BRD4: variants seen among roughly 807,000 people sequenced by gnomAD.
The protein encoded by BRD4 is bromodomain-containing protein 4.
Under a neutral mutation model 142.1 loss-of-function variants are expected in BRD4, and 16 were observed. The ratio of observed to expected loss-of-function variants is 0.11; its 90% CI spans 0.08 to 0.17. The LOEUF is 0.17. Ranked by LOEUF, BRD4 falls within the 10% of genes least tolerant of loss-of-function variation. The pLI is 1.00. For missense variants in BRD4, 1,424 were observed against 1,810.9 expected (o/e 0.79, Z 3.88); for synonymous variants, 833 against 707.5 (o/e 1.18, Z -2.82).
In BRD4 at chr19:15,265,571, G is replaced by GGGGTCT; in HGVS notation, c.626_631dup (p.Gln209_Thr210dup). 1 of 1,614,162 alleles carries GGGGTCT rather than the reference G, an allele frequency of 6.2e-7. No individual in the cohort carries two copies. Among genetic ancestry groups the GGGGTCT allele is most frequent in the Non-Finnish European group, 8.5e-7 (1 of 1,180,030 alleles). ...CTGCACAGGAGGAGGATTCGGCTGA[G>GGGGTCT]GGGTCTGGGTCTGCGGAGGAGTCGA... On this transcript the variant is annotated inframe_insertion, in exon 5 of 20. Coordinates refer to ENST00000679869, the MANE Select transcript of BRD4 (RefSeq NM_001379291.1).
At chr19:15,255,104 T>C (rs1466890821) in intron 10 of BRD4, among the ~76,000 whole-genome samples, 193 bp downstream of exon 10, 1 of 150,826 alleles carries the variant, frequency 6.6e-6, no homozygotes, top group Non-Finnish European at 1.5e-5. Context: ...GTCAGATATG[T>C]AGAAAGGCAC....
Position 15,264,650 on chromosome 19 carries a change from C to T in BRD4, c.966G>A (p.Arg322=), listed in dbSNP as rs79518776. 548 of 1,613,794 alleles carry T rather than the reference C, an allele frequency of 3.4e-4. 1 individual carries two copies. In the African/African-American group the frequency reaches 6.1e-3, roughly 18 times the overall value. ...EPKTTKLGQR[R]ESSRPVKPPK... The stretch of plus-strand genomic sequence containing the variant: ...GAGGTTTCACAGGCCGGCTGCTCTC[C>T]CGCCGCTGGCCCAGCTTGGTGGTCT... The change falls in exon 6 of 20, where the codon CGG becomes CGA. Residue 322 remains arginine (R), a synonymous_variant. Transcript: ENST00000679869.
chr19:15,241,278 C>T (rs908475730), intron 14 of BRD4, among the ~76,000 whole-genome samples: 1 of 152,264 alleles, frequency 6.6e-6, no homozygotes, highest in African/African-American at 2.4e-5. Context: ...ACTGCAACAG[C>T]CTCCCACCCA....
chr19:15,244,394 G>A lies in BRD4; in HGVS notation c.2418C>T (p.Pro806=), dbSNP rs1319557492. 1.5e-5 allele frequency: 24 copies of A among 1,602,940 alleles called. 1 individual carries two copies. The highest frequency in any genetic ancestry group is 9.0e-5 in the East Asian group (4 of 44,556). ...SPPPFIATQV[P]VLEPQLPGSV... is the part of the protein sequence containing the mutation. ...TGCCTGGGAGCTGGGGCTCCAGGAC[G>A]GGCACCTGGGTGGCAATGAAGGGTG... Residue 806 remains proline (P), a synonymous_variant, in exon 13 of 20, where the codon CCC becomes CCT. Transcript: ENST00000679869.
intron 6 of BRD4, among the ~76,000 whole-genome samples, 191 bp from the exon 7 acceptor site, chr19:15,263,739 A>T (rs2047499999): frequency 1.3e-5 from 2 of 152,152 alleles, no homozygotes; most frequent in Admixed American, 1.3e-4. Context: ...CCCTGCCAAC[A>T]TCCCAGCTCA....
intron 1 of BRD4, among the ~76,000 whole-genome samples, chr19:15,313,229 C>T (rs530131966): frequency 3.3e-5 from 5 of 151,672 alleles, no homozygotes; most frequent in African/African-American, 9.7e-5. Flanking sequence ...AAAAATTAGC[C>T]GGGCGTGGTG....
At chr19:15,316,064 A>G (rs1568410202) in intron 1 of BRD4, among the ~76,000 whole-genome samples, 1 of 148,376 alleles carries the variant, frequency 6.7e-6, no homozygotes, top group Non-Finnish European at 1.5e-5. Context: ...GCCGAGGCAG[A>G]AGAATGGCGT....
chr19:15,258,801 C>T (rs148583720), intron 7 of BRD4, among the ~76,000 whole-genome samples: 65 of 152,246 alleles, frequency 4.3e-4, no homozygotes, highest in Non-Finnish European at 7.1e-4. Flanking sequence ...GTTGCCCAGG[C>T]TGGTCTCCAA....
At chr19:15,283,213 G>A (rs2047717549) in intron 1 of BRD4, among the ~76,000 whole-genome samples, 1 of 152,074 alleles carries the variant, frequency 6.6e-6, no homozygotes, top group African/African-American at 2.4e-5. Context: ...AGTGGGAGAG[G>A]AAGTTCACTT....
intron 1 of BRD4, among the ~76,000 whole-genome samples, chr19:15,321,796 A>ATG (rs2048063442): frequency 1.3e-5 from 2 of 152,218 alleles, no homozygotes; most frequent in African/African-American, 2.4e-5. Flanking sequence ...CACACAAATG[A>ATG]CACTCTACAT....
In BRD4 at chr19:15,239,690, C is replaced by T. The variant is rs1032745641; in HGVS notation, c.3414G>A (p.Glu1138=). The part of the protein sequence containing the change: ...SLRPEPPKHP[E]SIKAPVHLPQ... ...GCAGGTGGACGGGGGCCTTGATGCT[C>T]TCCGGGTGCTTGGGGGGCTCCGGCC... The change falls in exon 16 of 20, where the codon GAG becomes GAA. Residue 1138 remains glutamate (E), a synonymous_variant. Transcript: ENST00000679869. This position sits in a 1 kb window ranked among gnomAD's most constrained non-coding sequence, Gnocchi z 7.4. 2 of 1,593,486 alleles carry T rather than the reference C, an allele frequency of 1.3e-6. No homozygotes were observed. The highest frequency in any genetic ancestry group is 2.2e-5 in the East Asian group (1 of 44,800).
chr19:15,317,302 C>T (rs889579230), intron 1 of BRD4, among the ~76,000 whole-genome samples: 3 of 152,174 alleles, frequency 2.0e-5, no homozygotes, highest in African/African-American at 7.2e-5. Flanking sequence ...CAATCAGCAG[C>T]AGTGTGCTCA....
intron 1 of BRD4, among the ~76,000 whole-genome samples, chr19:15,298,946 C>T (rs567670500): frequency 1.5e-3 from 222 of 152,298 alleles, no homozygotes; most frequent in Middle Eastern, 0.01. Context: ...ATCGTGTCAC[C>T]TTTACAGGTC....
intron 1 of BRD4, among the ~76,000 whole-genome samples, chr19:15,299,166 T>C (rs1333016199): frequency 1.3e-5 from 2 of 152,222 alleles, no homozygotes; most frequent in Non-Finnish European, 2.9e-5. Context: ...TTGTCAGTCC[T>C]GTCTATTCCT....
At chr19:15,285,246 C>A (rs2145655318) in intron 1 of BRD4, among the ~76,000 whole-genome samples, 1 of 152,306 alleles carries the variant, frequency 6.6e-6, no homozygotes, top group Admixed American at 6.5e-5. Context: ...AAACCAAAAC[C>A]CAGGGCAGCG....
Position 15,264,526 on chromosome 19 carries a change from T to A in BRD4, c.1090A>T (p.Met364Leu). Reference sequence around the variant, plus strand: ...TAGGCGGCGTGCTTCTTGGCAAACATCTCCTTGAGGATGCCGCTGCAGCAC... The same window carrying A: ...TAGGCGGCGTGCTTCTTGGCAAACAACTCCTTGAGGATGCCGCTGCAGCAC... ...LKCCSGILKE[M>L]FAKKHAAYAW... Residue 364 changes from methionine to leucine, a missense_variant, in exon 6 of 20, where the codon ATG becomes TTG. Physicochemically the swap from Met to Leu is conservative, Grantham distance 15. Transcript: ENST00000679869. 6.2e-7 allele frequency: 1 copy of A among 1,614,170 alleles called. No homozygotes were observed. Among genetic ancestry groups the A allele is most frequent in the Non-Finnish European group, 8.5e-7 (1 of 1,180,038 alleles).
chr19:15,244,882 G>A, intron 11 of BRD4, 120 bp from the exon 12 acceptor site: 1 of 1,547,728 alleles, frequency 6.5e-7, no homozygotes, highest in Non-Finnish European at 8.7e-7. Flanking sequence ...CCCTGAGAAA[G>A]GGCAGCCGAG....
In BRD4 at chr19:15,269,656, C is replaced by T. The variant is rs748250519; in HGVS notation, c.286-614G>A. Among the ~76,000 whole-genome samples the T allele has an allele frequency of 3.7e-4, 57 of 152,186 alleles. 1 individual carries two copies. Among genetic ancestry groups the T allele is most frequent in the Admixed American group, 6.5e-4 (10 of 15,284 alleles). ...AGGATTCTTTAGTATCCAGATACTG[C>T]TGACTGACCAGGTTAACTGCCAAAT... On this transcript the variant is annotated intron_variant, in intron 2 of 19. Transcript: ENST00000679869.
chr19:15,270,761 G>A (rs888536737), intron 2 of BRD4, among the ~76,000 whole-genome samples: 4 of 152,136 alleles, frequency 2.6e-5, no homozygotes, highest in African/African-American at 9.7e-5. Context: ...TCCTGAAGAA[G>A]GAAGTCCCCA....
Sources: allele counts gnomAD v4.1 joint callset (sites outside exome capture counted in the v4.1 genomes callset), GRCh38; gene constraint gnomAD v4.1.1; non-coding constraint Gnocchi (gnomAD v3.1); transcripts MANE v1.5; gene names NCBI Gene and HGNC (gene_info 2026-07-23, HGNC 2026-07-21).